HDAC9: variants seen among roughly 807,000 people sequenced by gnomAD.
HDAC9 encodes the protein histone deacetylase 9.
Under a neutral mutation model 139.4 loss-of-function variants are expected in HDAC9, and 41 were observed. That is an observed-to-expected ratio of 0.29 (90% CI 0.23 to 0.38). The LOEUF is 0.38. HDAC9 is among the 10% of genes least tolerant of loss of function. HDAC9 has a pLI of 1.00. For missense variants in HDAC9, 1,147 were observed against 1,297.0 expected (o/e 0.88, Z 1.78); for synonymous variants, 517 against 476.2 (o/e 1.09, Z -1.12).
At chr7:18,691,146 A>G (rs1306814460) in intron 12 of HDAC9, among the ~76,000 whole-genome samples, 2 of 152,026 alleles carry the variant, frequency 1.3e-5, no homozygotes, top group African/African-American at 4.8e-5. Context: ...ATTAATGATG[A>G]AGAAAAAGTG....
At chr7:18,900,684 G>T (rs747696278) in intron 22 of HDAC9, among the ~76,000 whole-genome samples, 27 of 152,084 alleles carry the variant, frequency 1.8e-4, no homozygotes, top group Admixed American at 8.5e-4. Context: ...TGAGGATTCA[G>T]AACTGCCCAC....
At chr7:18,597,066 C>G (rs1832704507) in intron 6 of HDAC9, among the ~76,000 whole-genome samples, 2 of 152,052 alleles carry the variant, frequency 1.3e-5, no homozygotes, top group African/African-American at 4.8e-5. Flanking sequence ...GAAATCTGAC[C>G]TTTGTCACGC....
intron 2 of HDAC9, among the ~76,000 whole-genome samples, chr7:18,497,086 A>G (rs993416754): frequency 2.2e-4 from 33 of 152,132 alleles, no homozygotes; most frequent in Admixed American, 1.8e-3. Flanking sequence ...AGCCTTGTCA[A>G]TTTATACTTA....
intron 17 of HDAC9, among the ~76,000 whole-genome samples, chr7:18,805,240 T>G (rs894274106): frequency 6.6e-6 from 1 of 151,974 alleles, no homozygotes; most frequent in Admixed American, 6.6e-5. Context: ...ACAGGAGGAG[T>G]AGCTTTTCAG....
chr7:18,493,779 T>TA (rs199845362), upstream of HDAC9, among the ~76,000 whole-genome samples: 2,152 of 139,234 alleles, frequency 0.015, 47 homozygotes, highest in African/African-American at 0.051. Flanking sequence ...TTTTGTAGAA[T>TA]AAAAAAAAAA....
intron 7 of HDAC9, 53 bp downstream of exon 7, chr7:18,629,534 A>C (rs1180709315): frequency 6.6e-7 from 1 of 1,507,656 alleles, no homozygotes; most frequent in Admixed American, 2.1e-5. Context: ...ATGAAAAAAA[A>C]ATAGTTTAGA....
intron 13 of HDAC9, among the ~76,000 whole-genome samples, chr7:18,737,824 C>G (rs1156979867): frequency 6.6e-6 from 1 of 152,158 alleles, no homozygotes. Flanking sequence ...TCTTAACCTT[C>G]TATCTCATTC....
At chr7:18,744,257 G>C (rs531024384) in intron 13 of HDAC9, among the ~76,000 whole-genome samples, 3 of 152,198 alleles carry the variant, frequency 2.0e-5, no homozygotes, top group Admixed American at 1.3e-4. Flanking sequence ...CTCCCAAAGT[G>C]CTGGGATTAG....
chr7:18,641,869 A>G, intron 8 of HDAC9, among the ~76,000 whole-genome samples: 1 of 152,134 alleles, frequency 6.6e-6, no homozygotes, highest in Non-Finnish European at 1.5e-5. Flanking sequence ...TCTGTACTCA[A>G]TTAGCAGTGT....
At chr7:18,615,132 A>G (rs892578189) in intron 6 of HDAC9, among the ~76,000 whole-genome samples, 4 of 152,128 alleles carry the variant, frequency 2.6e-5, no homozygotes, top group African/African-American at 9.7e-5. Flanking sequence ...ATGGAAGGTT[A>G]CATTTTATAT....
rs538161029 is a variant in HDAC9, at chr7:18,662,596, T to C, written c.1468-3617T>C. ...GATAGGAGTGCAGACATTTCACTCA[T>C]TGCAACAGCAGGAGGGGTGGATGGG... On this transcript the variant is annotated intron_variant, in intron 11 of 25. Transcript: ENST00000686413. Among the ~76,000 whole-genome samples the C allele has an allele frequency of 1.2e-4, 18 of 152,106 alleles. 1 individual carries two copies. Among genetic ancestry groups the C allele is most frequent in the African/African-American group, 4.1e-4 (17 of 41,530 alleles).
intron 16 of HDAC9, among the ~76,000 whole-genome samples, chr7:18,784,820 C>T (rs1160102630): frequency 6.6e-6 from 1 of 152,054 alleles, no homozygotes; most frequent in Non-Finnish European, 1.5e-5. Flanking sequence ...CAGAATGAAT[C>T]ATGGCCACTC....
At chr7:18,845,062 G>A (rs1225088981) in intron 21 of HDAC9, among the ~76,000 whole-genome samples, 2 of 152,124 alleles carry the variant, frequency 1.3e-5, no homozygotes, top group Non-Finnish European at 2.9e-5. Flanking sequence ...TCAATGAACT[G>A]ATTACATTCT....
intron 1 of HDAC9, among the ~76,000 whole-genome samples, chr7:18,405,450 G>A (rs936529578): frequency 5.9e-5 from 9 of 152,018 alleles, no homozygotes; most frequent in African/African-American, 1.9e-4. Context: ...CCTTCCCCAA[G>A]TGAAAATACA....
intron 1 of HDAC9, among the ~76,000 whole-genome samples, chr7:18,351,611 GA>G (rs1782853214): frequency 6.6e-6 from 1 of 152,140 alleles, no homozygotes. Context: ...AACTGAAGTT[GA>G]ATCTCAGCTC....
intron 7 of HDAC9, among the ~76,000 whole-genome samples, chr7:18,632,197 G>A (rs1782562315): frequency 6.6e-6 from 1 of 151,756 alleles, no homozygotes; most frequent in African/African-American, 2.4e-5. Flanking sequence ...AAAACCAGAG[G>A]TGATGATTAA....
At chr7:18,321,206 AT>A (rs1185219409) in intron 1 of HDAC9, among the ~76,000 whole-genome samples, 1 of 152,052 alleles carries the variant, frequency 6.6e-6, no homozygotes, top group East Asian at 1.9e-4. Context: ...TGTTCTTAGT[AT>A]TTACAACTAC....
intron 21 of HDAC9, among the ~76,000 whole-genome samples, chr7:18,846,566 T>C (rs1331125136): frequency 6.6e-5 from 10 of 152,208 alleles, no homozygotes. Flanking sequence ...TTGGCTGGTT[T>C]ATAAACTGTC....
rs577823462 is a variant in HDAC9, at chr7:18,990,060, A to C, written c.3171-5963A>C. On this transcript the variant is annotated intron_variant, in intron 25 of 25. Coordinates refer to ENST00000686413, the MANE Select transcript of HDAC9 (RefSeq NM_178425.4). The stretch of plus-strand genomic sequence containing the variant: ...AAGCCTTCTTCTCTCAGCTCATCAA[A>C]GTCATTCTCCGTCCAGCTTTGTTCC... Among the ~76,000 whole-genome samples, 3 of 152,262 alleles carry C rather than the reference A, an allele frequency of 2.0e-5. No homozygotes were observed. The East Asian group carries it at 5.8e-4, about 29-fold the overall frequency.
Sources: gnomAD v4.1 joint callset for allele counts (sites outside exome capture counted in the v4.1 genomes callset) on GRCh38, gnomAD v4.1.1 for gene constraint, MANE v1.5 for transcripts, NCBI Gene and HGNC (gene_info 2026-07-23, HGNC 2026-07-21) for gene names.